USH2A: variants seen among roughly 807,000 people sequenced by gnomAD.
USH2A encodes Usher syndrome 2A (autosomal recessive, mild).
In USH2A, 443 loss-of-function variants were observed where a neutral mutation model predicts 538.9. The observed-to-expected ratio is 0.82, with a 90% CI of 0.76 to 0.89. The LOEUF (loss-of-function observed/expected upper bound fraction) is 0.89. Ranked by LOEUF, USH2A falls within the 40% of genes least tolerant of loss-of-function variation. The pLI, the probability that USH2A is intolerant of heterozygous loss-of-function variation, is 0.00. For missense variants in USH2A, 6,633 were observed against 6,324.8 expected (o/e 1.05, Z -1.65); for synonymous variants, 2,413 against 2,273.5 (o/e 1.06, Z -1.75).
intron 20 of USH2A, 26 bp downstream of exon 20, chr1:216,190,197 T>A (rs761351399): frequency 4.3e-6 from 7 of 1,611,544 alleles, no homozygotes; most frequent in Non-Finnish European, 5.9e-6. Flanking sequence ...GCAACAGATT[T>A]TTCATATCCA....
intron 38 of USH2A, among the ~76,000 whole-genome samples, chr1:215,918,547 C>G (rs962458413): frequency 6.6e-6 from 1 of 152,098 alleles, no homozygotes; most frequent in East Asian, 1.9e-4. Context: ...GTGTGAAATA[C>G]TTTTCTGTTG....
Position 215,622,989 on chromosome 1 carries a change from A to AAAG in USH2A, c.*2789_*2791dup, listed in dbSNP as rs1172173121. 5.6e-5 allele frequency: 8 copies of AAAG among 142,450 alleles called. No homozygotes were observed. The highest frequency in any genetic ancestry group is 1.4e-4 in the Admixed American group (2 of 14,722). The allele number at this position is 142,450 out of a possible 1,614,324, so 8.8% of individuals were successfully genotyped here. On this transcript the variant is annotated 3_prime_UTR_variant, in exon 72 of 72. Transcript: ENST00000307340. ...CAACTATTCATTTGTGACATAATTAAAAGTTCCTTATTAATGAATTCTTCC... is the reference window on the plus strand; with the variant it reads ...CAACTATTCATTTGTGACATAATTAAAAGAAGTTCCTTATTAATGAATTCTTCC...
chr1:215,832,500 C>T (rs978309902), intron 47 of USH2A, among the ~76,000 whole-genome samples: 3 of 151,800 alleles, frequency 2.0e-5, no homozygotes, highest in Admixed American at 1.3e-4. Flanking sequence ...TAAATATAAT[C>T]GATCATAGTA....
intron 21 of USH2A, among the ~76,000 whole-genome samples, chr1:216,147,971 A>G (rs1436388414): frequency 2.0e-4 from 6 of 30,396 alleles, no homozygotes. Flanking sequence ...CTCTGGCCCA[A>G]GGCTCTCTGA....
intron 11 of USH2A, among the ~76,000 whole-genome samples, chr1:216,284,323 C>G (rs1571659064): frequency 1.3e-5 from 2 of 152,160 alleles, no homozygotes; most frequent in African/African-American, 4.8e-5. Context: ...TTTCTCCCAT[C>G]CTATTCTTCT....
intron 21 of USH2A, among the ~76,000 whole-genome samples, chr1:216,115,793 A>C (rs893438497): frequency 1.3e-5 from 2 of 152,010 alleles, no homozygotes; most frequent in East Asian, 3.9e-4. Context: ...AATTGAAATC[A>C]TAATAGTCTA....
chr1:216,276,936 T>C lies in USH2A; in HGVS notation c.1971+12344A>G, dbSNP rs181857417. ...TTTGGGTAGGGACACAGCCAAACCA[T>C]ATCAGTCAGTATCATCAAAAAGCAC... On this transcript the variant is annotated intron_variant, in intron 11 of 71. Coordinates refer to ENST00000307340, the MANE Select transcript of USH2A (RefSeq NM_206933.4). 5.9e-4 allele frequency among the ~76,000 whole-genome samples: 90 copies of C among 152,226 alleles called. 2 individuals are homozygous for C. The East Asian group carries it at 0.011, about 19-fold the overall frequency.
At chr1:216,390,841 C>A (rs1340282451) in intron 3 of USH2A, among the ~76,000 whole-genome samples, 2 of 151,906 alleles carry the variant, frequency 1.3e-5, no homozygotes, top group Non-Finnish European at 2.9e-5. Context: ...CAATAAGACT[C>A]CTTAAAATTA....
chr1:216,361,128 G>A (rs750252431), intron 4 of USH2A, among the ~76,000 whole-genome samples: 5 of 152,008 alleles, frequency 3.3e-5, no homozygotes, highest in Admixed American at 6.6e-5. Context: ...CCTGATTCAC[G>A]ACAACGTTAC....
At chr1:215,896,433 A>G (rs2102466565) in intron 40 of USH2A, among the ~76,000 whole-genome samples, 1 of 152,302 alleles carries the variant, frequency 6.6e-6, no homozygotes, top group East Asian at 1.9e-4. Flanking sequence ...CCATATTTCA[A>G]TCTTATTTCC....
Position 215,926,794 on chromosome 1 carries a change from G to A in USH2A, c.7300+7822C>T, listed in dbSNP as rs141784987. On this transcript the variant is annotated intron_variant, in intron 38 of 71. Coordinates refer to ENST00000307340, the MANE Select transcript of USH2A (RefSeq NM_206933.4). ...GCTAAGTTTTTGTATTTTTGGTAGCGATGGGGTTTCTCTATGTTGGTCAGG... is the reference window on the plus strand; with the variant it reads ...GCTAAGTTTTTGTATTTTTGGTAGCAATGGGGTTTCTCTATGTTGGTCAGG... Among the ~76,000 whole-genome samples the A allele has an allele frequency of 3.4e-3, 521 of 151,908 alleles. 3 individuals are homozygous for A. The highest frequency in any genetic ancestry group is 0.012 in the African/African-American group (497 of 41,466).
intron 32 of USH2A, among the ~76,000 whole-genome samples, chr1:216,017,551 T>A (rs1668744425): frequency 6.6e-6 from 1 of 152,188 alleles, no homozygotes; most frequent in South Asian, 2.1e-4. Flanking sequence ...TGTAAGAAAA[T>A]ATTCATGTGA....
intron 30 of USH2A, among the ~76,000 whole-genome samples, chr1:216,066,114 C>T (rs1008876367): frequency 6.6e-6 from 1 of 151,846 alleles, no homozygotes; most frequent in African/African-American, 2.4e-5. Context: ...AAATGAAATG[C>T]ACAATCTTGC....
chr1:216,013,311 AG>A (rs1422603829), intron 32 of USH2A, among the ~76,000 whole-genome samples: 2 of 150,206 alleles, frequency 1.3e-5, no homozygotes, highest in Non-Finnish European at 3.0e-5. Flanking sequence ...CTCCCACTCT[AG>A]GTTCCCACGC....
intron 11 of USH2A, among the ~76,000 whole-genome samples, chr1:216,274,943 A>G (rs527534395): frequency 6.6e-6 from 1 of 152,264 alleles, no homozygotes; most frequent in South Asian, 2.1e-4. Context: ...AGCATGCTCA[A>G]ATAAAACTAT....
intron 35 of USH2A, among the ~76,000 whole-genome samples, chr1:215,984,697 A>C (rs972192408): frequency 6.6e-6 from 1 of 152,244 alleles, no homozygotes; most frequent in Non-Finnish European, 1.5e-5. Flanking sequence ...TTTACGCTGA[A>C]GAATTGTGTT....
intron 41 of USH2A, among the ~76,000 whole-genome samples, chr1:215,887,190 A>G (rs942426795): frequency 2.6e-4 from 40 of 151,982 alleles, no homozygotes; most frequent in African/African-American, 9.7e-4. Flanking sequence ...ATCGGCCACA[A>G]TCAGTAACGC....
chr1:215,637,793 A>T (rs1656543008), intron 69 of USH2A, among the ~76,000 whole-genome samples: 1 of 152,094 alleles, frequency 6.6e-6, no homozygotes, highest in East Asian at 1.9e-4. Context: ...TTTTTTTTTT[A>T]AATTGTGTTT....
chr1:216,118,696 A>G (rs1394612443), intron 21 of USH2A, among the ~76,000 whole-genome samples: 1 of 152,234 alleles, frequency 6.6e-6, no homozygotes, highest in Non-Finnish European at 1.5e-5. Context: ...CTTCTTGTTC[A>G]CTTTCCCAAG....
Sources: gnomAD v4.1 joint callset for allele counts (sites outside exome capture counted in the v4.1 genomes callset) on GRCh38, gnomAD v4.1.1 for gene constraint, MANE v1.5 for transcripts, NCBI Gene and HGNC (gene_info 2026-07-23, HGNC 2026-07-21) for gene names.